PDE4B: variants seen among roughly 807,000 people sequenced by gnomAD.
PDE4B encodes the protein 3',5'-cyclic-AMP phosphodiesterase 4B.
PDE4B carries 20 observed loss-of-function variants against 82.2 expected under a neutral mutation model. The ratio of observed to expected loss-of-function variants is 0.24; its 90% CI spans 0.17 to 0.35. PDE4B has a LOEUF of 0.35. Among genes scored for constraint, PDE4B ranks in the 10% least tolerant of loss-of-function variants. The pLI is 1.00. For missense variants in PDE4B, 655 were observed against 907.2 expected (o/e 0.72, Z 3.57); for synonymous variants, 320 against 318.9 (o/e 1.00, Z -0.04).
intron 3 of PDE4B, among the ~76,000 whole-genome samples, chr1:66,111,996 T>G (rs191595069): frequency 2.6e-5 from 4 of 152,232 alleles, no homozygotes; most frequent in Non-Finnish European, 4.4e-5. Flanking sequence ...GCTCTGACAT[T>G]TTAGAACCTT....
At chr1:66,322,942 A>G (rs1379252232) in intron 7 of PDE4B, among the ~76,000 whole-genome samples, 1 of 152,176 alleles carries the variant, frequency 6.6e-6, no homozygotes, top group African/African-American at 2.4e-5. Flanking sequence ...TGGCAAAGCC[A>G]GATATCAAAC....
intron 1 of PDE4B, among the ~76,000 whole-genome samples, chr1:65,885,858 A>AATAATG (rs2100361274): frequency 8.4e-6 from 1 of 119,468 alleles, no homozygotes; most frequent in South Asian, 2.5e-4. Flanking sequence ...CTTAACGTAT[A>AATAATG]ATAATAATAA....
chr1:66,048,341 A>G (rs1284556941), intron 3 of PDE4B, among the ~76,000 whole-genome samples: 1 of 151,978 alleles, frequency 6.6e-6, no homozygotes, highest in Non-Finnish European at 1.5e-5. Context: ...GTCCTCCTAC[A>G]TAATAATGAA....
At chr1:66,188,718 CTAT>C (rs1647429514) in intron 3 of PDE4B, among the ~76,000 whole-genome samples, 1 of 151,714 alleles carries the variant, frequency 6.6e-6, no homozygotes, top group South Asian at 2.1e-4. Flanking sequence ...TATTTTGAGC[CTAT>C]GTGTGTCTCT....
chr1:66,169,837 GA>G (rs1646805167), intron 3 of PDE4B, among the ~76,000 whole-genome samples: 1 of 152,108 alleles, frequency 6.6e-6, no homozygotes, highest in East Asian at 1.9e-4. Context: ...AGGCATATTG[GA>G]AAAAATCCTA....
At chr1:66,180,281 T>G (rs924970918) in intron 3 of PDE4B, among the ~76,000 whole-genome samples, 3 of 152,116 alleles carry the variant, frequency 2.0e-5, no homozygotes, top group Non-Finnish European at 4.4e-5. Context: ...CACAGCAAGT[T>G]GAGGAAATGG....
intron 3 of PDE4B, among the ~76,000 whole-genome samples, chr1:66,151,642 A>T (rs944512252): frequency 2.6e-5 from 4 of 152,178 alleles, no homozygotes; most frequent in African/African-American, 9.7e-5. Context: ...CTGTGGTTTA[A>T]AACTCACCTT....
At chr1:66,350,799 T>TGTCC (rs1334059847) in intron 8 of PDE4B, among the ~76,000 whole-genome samples, 1 of 152,136 alleles carries the variant, frequency 6.6e-6, no homozygotes, top group Non-Finnish European at 1.5e-5. Flanking sequence ...AGTGAAGAAG[T>TGTCC]GTCCTATCAC....
At chr1:66,049,213 A>G (rs1401855846) in intron 3 of PDE4B, among the ~76,000 whole-genome samples, 1 of 152,074 alleles carries the variant, frequency 6.6e-6, no homozygotes, top group Non-Finnish European at 1.5e-5. Flanking sequence ...GTTTCTTCAC[A>G]TGTAAAATTG....
chr1:66,280,875 A>AT (rs1390115655), intron 7 of PDE4B, among the ~76,000 whole-genome samples: 1 of 152,184 alleles, frequency 6.6e-6, no homozygotes, highest in African/African-American at 2.4e-5. Flanking sequence ...AAAATAGCAG[A>AT]TTAAATGTAG....
At chr1:66,255,184 A>C (rs1034098284) in intron 4 of PDE4B, among the ~76,000 whole-genome samples, 8 of 151,900 alleles carry the variant, frequency 5.3e-5, no homozygotes, top group Admixed American at 6.6e-5. Flanking sequence ...TCCTGGGTTC[A>C]AGCAATTCTC....
At chr1:66,159,588 C>A (rs956384824) in intron 3 of PDE4B, among the ~76,000 whole-genome samples, 6 of 152,068 alleles carry the variant, frequency 3.9e-5, no homozygotes, top group African/African-American at 1.4e-4. Flanking sequence ...TATTAAAAAG[C>A]CACTTCAGAC....
chr1:66,200,147 G>A (rs1332258429), intron 3 of PDE4B, among the ~76,000 whole-genome samples: 1 of 152,160 alleles, frequency 6.6e-6, no homozygotes, highest in Admixed American at 6.5e-5. Context: ...TCAAAGATCA[G>A]ATAGTTGTAG....
chr1:66,106,766 T>C (rs1645368556), intron 3 of PDE4B, among the ~76,000 whole-genome samples: 2 of 149,710 alleles, frequency 1.3e-5, no homozygotes, highest in African/African-American at 4.9e-5. Flanking sequence ...TTTGTATTTC[T>C]GTGGGATCGG....
chr1:66,198,807 G>C (rs968251463), intron 3 of PDE4B, among the ~76,000 whole-genome samples: 3 of 143,094 alleles, frequency 2.1e-5, no homozygotes, highest in African/African-American at 7.9e-5. Context: ...TGCCCTTCCT[G>C]TGTCCATGTG....
intron 7 of PDE4B, among the ~76,000 whole-genome samples, chr1:66,290,130 A>T (rs191756960): frequency 8.7e-4 from 133 of 152,286 alleles, no homozygotes; most frequent in African/African-American, 3.1e-3. Context: ...CCAAGAAGAG[A>T]TATCAACACA....
In PDE4B at chr1:66,170,785, G is replaced by A. The variant is rs76118726; in HGVS notation, c.282-76675G>A. On this transcript the variant is annotated intron_variant, in intron 3 of 16. Transcript: ENST00000341517. ...GCAAAAACATGGAATTATGGGTGGT[G>A]GAATGCAAAGGGTATCACAAACTAG... Among the ~76,000 whole-genome samples, 514 of 152,192 alleles carry A rather than the reference G, an allele frequency of 3.4e-3. 4 individuals carry two copies. Among genetic ancestry groups the A allele is most frequent in the African/African-American group, 0.012 (490 of 41,518 alleles).
intron 3 of PDE4B, among the ~76,000 whole-genome samples, chr1:66,187,928 G>C (rs1410040215): frequency 6.6e-6 from 1 of 150,856 alleles, no homozygotes; most frequent in Admixed American, 6.6e-5. Context: ...TGTGATGTTG[G>C]GGTGTCAATT....
At chr1:65,912,706 T>G (rs1647109848) in intron 1 of PDE4B, among the ~76,000 whole-genome samples, 1 of 152,180 alleles carries the variant, frequency 6.6e-6, no homozygotes, top group South Asian at 2.1e-4. Context: ...AAGATTAAGG[T>G]TTTTTTCTTT....
Sources: allele counts gnomAD v4.1 joint callset (sites outside exome capture counted in the v4.1 genomes callset), GRCh38; gene constraint gnomAD v4.1.1; transcripts MANE v1.5; gene names NCBI Gene and HGNC (gene_info 2026-07-23, HGNC 2026-07-21).